ACTR3C: variants seen among roughly 807,000 people sequenced by gnomAD.
The protein encoded by ACTR3C is actin related protein 3C.
A neutral mutation model predicts 26.3 loss-of-function variants in ACTR3C; 18 were observed. The observed-to-expected ratio is 0.68, with a 90% confidence interval of 0.47 to 1.01. ACTR3C has a LOEUF of 1.01. ACTR3C is among the 50% of genes least tolerant of loss of function. The probability of loss-of-function intolerance (pLI) is 0.00; values close to 1 mark genes in which losing one functional copy is unlikely to be tolerated. For missense variants in ACTR3C, 184 were observed against 250.7 expected (o/e 0.73, Z 1.80); for synonymous variants, 55 against 94.5 (o/e 0.58, Z 2.42).
Position 150,284,006 on chromosome 7 carries a change from G to GA in ACTR3C, c.564+746dup, listed in dbSNP as rs536479272. 2.7e-3 allele frequency among the ~76,000 whole-genome samples: 405 copies of GA among 151,246 alleles called. 3 individuals are homozygous for GA. The highest frequency in any genetic ancestry group is 9.3e-3 in the African/African-American group (380 of 40,758). On this transcript the variant is annotated intron_variant, in intron 6 of 7. Transcript: ENST00000683684. ...AAATTCCCTGAAATCTAAGAATTTT[G>GA]AAAAAAATCATAATAATACATGAGC...
the ACTR3C span, among the ~76,000 whole-genome samples, chr7:149,943,681 A>G: frequency 6.6e-6 from 1 of 152,108 alleles, no homozygotes; most frequent in Admixed American, 6.5e-5. Flanking sequence ...ATTGCACTCC[A>G]GCCTGGGCAA....
chr7:150,199,093 G>C, the ACTR3C span, among the ~76,000 whole-genome samples: 1 of 148,014 alleles, frequency 6.8e-6, no homozygotes, highest in Non-Finnish European at 1.5e-5. Context: ...CCGCCCCCCC[G>C]TCTGGGAGGT....
At chr7:150,300,274 C>G (rs1795333312) in intron 1 of ACTR3C, among the ~76,000 whole-genome samples, 1 of 152,120 alleles carries the variant, frequency 6.6e-6, no homozygotes, top group Non-Finnish European at 1.5e-5. Context: ...ATTGCTTGAA[C>G]CCGGGAGGCG....
the ACTR3C span, among the ~76,000 whole-genome samples, chr7:149,970,501 G>C: frequency 1.3e-5 from 2 of 152,152 alleles, no homozygotes; most frequent in African/African-American, 4.8e-5. Context: ...GCACGTCCAG[G>C]TTTCCCTGTC....
chr7:149,937,317 G>C, the ACTR3C span, among the ~76,000 whole-genome samples: 1,147 of 141,936 alleles, frequency 8.1e-3, 16 homozygotes, highest in African/African-American at 0.028. Context: ...AGAGGCGGAG[G>C]CTTTATTTTT....
chr7:149,970,571 C>T, the ACTR3C span, among the ~76,000 whole-genome samples: 1 of 152,218 alleles, frequency 6.6e-6, no homozygotes, highest in Non-Finnish European at 1.5e-5. Flanking sequence ...TCTTCTCTCT[C>T]TAATGACCCC....
At chr7:150,321,007 G>A (rs11767726) in intron 1 of ACTR3C, among the ~76,000 whole-genome samples, 3 of 151,918 alleles carry the variant, frequency 2.0e-5, no homozygotes, top group Non-Finnish European at 4.4e-5. Flanking sequence ...CTCAGTCCTC[G>A]TTTTGACTAG....
chr7:149,924,062 T>C, the ACTR3C span, among the ~76,000 whole-genome samples: 232 of 150,292 alleles, frequency 1.5e-3, no homozygotes, highest in Non-Finnish European at 2.8e-3. Flanking sequence ...ATAGACACAT[T>C]AAACTCAGAA....
chr7:150,042,058 A>AG, the ACTR3C span, among the ~76,000 whole-genome samples: 26 of 37,360 alleles, frequency 7.0e-4, 1 homozygote, highest in African/African-American at 2.2e-3. Context: ...GTCCTAAGCC[A>AG]GGGGGGGATG....
At chr7:150,306,356 C>T (rs893488117) in intron 1 of ACTR3C, among the ~76,000 whole-genome samples, 12 of 151,978 alleles carry the variant, frequency 7.9e-5, no homozygotes, top group African/African-American at 2.2e-4. Flanking sequence ...GAACTCCTGG[C>T]GCGGGAAGCT....
At chr7:150,215,416 G>A in the ACTR3C span, among the ~76,000 whole-genome samples, 5 of 152,066 alleles carry the variant, frequency 3.3e-5, no homozygotes, top group African/African-American at 1.2e-4. Flanking sequence ...TTCTAGGAGC[G>A]CAAATGGGTA....
intron 1 of ACTR3C, among the ~76,000 whole-genome samples, chr7:150,296,244 C>T (rs1018829539): frequency 1.7e-4 from 25 of 149,360 alleles, no homozygotes; most frequent in African/African-American, 4.8e-4. Context: ...CCCAGCTACT[C>T]GGGGGCTGAG....
chr7:150,219,308 G>A, the ACTR3C span, among the ~76,000 whole-genome samples: 10 of 145,360 alleles, frequency 6.9e-5, no homozygotes, highest in Admixed American at 3.3e-4. Context: ...AATAGGTGTC[G>A]AAAATAAGAT....
the ACTR3C span, among the ~76,000 whole-genome samples, chr7:149,962,271 T>A: frequency 5.3e-5 from 8 of 152,092 alleles, no homozygotes; most frequent in Admixed American, 3.9e-4. Context: ...ACAGGAAGTG[T>A]ACGCTCAAAG....
chr7:150,068,240 G>C, the ACTR3C span, among the ~76,000 whole-genome samples: 1 of 152,114 alleles, frequency 6.6e-6, no homozygotes, highest in African/African-American at 2.4e-5. Context: ...AATAAAATCA[G>C]TGCTCCCAAC....
intron 1 of ACTR3C, among the ~76,000 whole-genome samples, chr7:150,313,352 A>G (rs996884993): frequency 5.9e-5 from 9 of 152,182 alleles, no homozygotes; most frequent in African/African-American, 1.9e-4. Flanking sequence ...GGTAGATTTT[A>G]AAGTTTCTCA....
chr7:150,317,278 G>A (rs1308943354), intron 1 of ACTR3C, among the ~76,000 whole-genome samples: 1 of 152,030 alleles, frequency 6.6e-6, no homozygotes, highest in Non-Finnish European at 1.5e-5. Context: ...TCGAACTTAT[G>A]GACTCAAGTG....
downstream of ACTR3C, among the ~76,000 whole-genome samples, chr7:150,239,557 T>A (rs1479431305): frequency 1.4e-5 from 2 of 139,114 alleles, no homozygotes; most frequent in East Asian, 4.1e-4. Context: ...TATATATATA[T>A]ATATAATTTA....
At chr7:150,121,216 G>A in the ACTR3C span, among the ~76,000 whole-genome samples, 10 of 152,310 alleles carry the variant, frequency 6.6e-5, no homozygotes, top group Non-Finnish European at 1.0e-4. Flanking sequence ...CATAGTATTG[G>A]GAGTTCTTGC....
Sources: allele counts gnomAD v4.1 joint callset (sites outside exome capture counted in the v4.1 genomes callset), GRCh38; gene constraint gnomAD v4.1.1; transcripts MANE v1.5; gene names NCBI Gene and HGNC (gene_info 2026-07-23, HGNC 2026-07-21).